The following C1orf202 variants were observed in gnomAD, a reference collection of about 807,000 sequenced individuals.
C1orf202 encodes uncharacterized protein C1orf202.
At chr1:244,730,125 T>C in the C1orf202 span, 1 of 174,972 alleles carries the variant, frequency 5.7e-6, no homozygotes, top group Non-Finnish European at 1.2e-5. Flanking sequence ...CTGCAGTGTT[T>C]AGGAAGAGAC....
At chr1:244,730,435 G>A in the C1orf202 span, 4 of 354,474 alleles carry the variant, frequency 1.1e-5, no homozygotes, top group Middle Eastern at 2.2e-3. Context: ...GGGGCGCAAC[G>A]GGGGACCGGC....
At chr1:244,730,267 C>A in the C1orf202 span, 1 of 226,170 alleles carries the variant, frequency 4.4e-6, no homozygotes, top group Non-Finnish European at 8.5e-6. Context: ...GCGAGGAGGA[C>A]GCGGCTCGTT....
At chr1:244,730,725 T>A in the C1orf202 span, 1 of 383,462 alleles carries the variant, frequency 2.6e-6, no homozygotes, top group Non-Finnish European at 4.6e-6. Context: ...TGCCTGAGCT[T>A]CTTCCTGCGC....
chr1:244,730,699 TGC>T, the C1orf202 span: 8 of 383,842 alleles, frequency 2.1e-5, no homozygotes, highest in Non-Finnish European at 3.7e-5. Flanking sequence ...CCTCCTTGCC[TGC>T]GCGCGCGTGA....
chr1:244,730,345 TC>T, the C1orf202 span: 1 of 294,940 alleles, frequency 3.4e-6, no homozygotes, highest in Non-Finnish European at 6.3e-6. Flanking sequence ...GCATGTGCTT[TC>T]ATTCCTACGG....
the C1orf202 span, chr1:244,730,426 G>A: frequency 2.8e-6 from 1 of 357,406 alleles, no homozygotes; most frequent in Non-Finnish European, 5.0e-6. Context: ...CGTGCACAGG[G>A]GGCGCAACGG....
At chr1:244,730,542 C>T in the C1orf202 span, 1 of 368,798 alleles carries the variant, frequency 2.7e-6, no homozygotes, top group African/African-American at 2.1e-5. Flanking sequence ...GCCTCGTGGC[C>T]GCCCTGCGCG....
the C1orf202 span, among the ~76,000 whole-genome samples, chr1:244,729,731 A>T: frequency 6.6e-6 from 1 of 152,098 alleles, no homozygotes; most frequent in Non-Finnish European, 1.5e-5. Context: ...TGATGAGGAA[A>T]AGGAAGACAT....
the C1orf202 span, chr1:244,730,442 C>T: frequency 5.7e-6 from 2 of 350,964 alleles, no homozygotes; most frequent in East Asian, 4.3e-5. Flanking sequence ...AACGGGGGAC[C>T]GGCTCCTCGT....
chr1:244,730,699 T>C, the C1orf202 span: 6 of 383,842 alleles, frequency 1.6e-5, no homozygotes, highest in Non-Finnish European at 2.3e-5. Context: ...CCTCCTTGCC[T>C]GCGCGCGCGT....
chr1:244,730,497 G>A, the C1orf202 span: 2 of 350,896 alleles, frequency 5.7e-6, no homozygotes, highest in Non-Finnish European at 1.0e-5. Flanking sequence ...GCCTGCGCGG[G>A]CCGCCCGGGG....
At chr1:244,730,754 C>T in the C1orf202 span, 5 of 382,064 alleles carry the variant, frequency 1.3e-5, no homozygotes, top group East Asian at 7.4e-5. Flanking sequence ...GAACAGCCGC[C>T]GCCAGCACCA....
chr1:244,729,832 C>G, the C1orf202 span: 1 of 151,996 alleles, frequency 6.6e-6, no homozygotes, highest in Non-Finnish European at 1.5e-5. Flanking sequence ...CCACCCCCAC[C>G]CCAAGCCACC....
chr1:244,730,265 G>T, the C1orf202 span: 1 of 225,996 alleles, frequency 4.4e-6, no homozygotes, highest in African/African-American at 2.3e-5. Context: ...CTGCGAGGAG[G>T]ACGCGGCTCG....
the C1orf202 span, chr1:244,730,623 T>G: frequency 2.6e-6 from 1 of 385,096 alleles, no homozygotes; most frequent in Non-Finnish European, 4.6e-6. Context: ...TAGCGCCGCC[T>G]CCACGTCGCC....
At chr1:244,730,530 C>T in the C1orf202 span, 3 of 364,666 alleles carry the variant, frequency 8.2e-6, no homozygotes, top group African/African-American at 2.1e-5. Context: ...GGTCCGGCCG[C>T]GGCCTCGTGG....
At chr1:244,730,432 A>C in the C1orf202 span, 1 of 355,552 alleles carries the variant, frequency 2.8e-6, no homozygotes, top group Non-Finnish European at 5.0e-6. Context: ...CAGGGGGCGC[A>C]ACGGGGGACC....
chr1:244,730,704 G>T, the C1orf202 span: 1 of 384,414 alleles, frequency 2.6e-6, no homozygotes. Flanking sequence ...TTGCCTGCGC[G>T]CGCGTGAGCT....
At chr1:244,730,602 TGCGCCGCAGGTA>T in the C1orf202 span, 95 of 382,982 alleles carry the variant, frequency 2.5e-4, no homozygotes, top group Non-Finnish European at 4.1e-4. Context: ...GGCCGCTCCT[TGCGCCGCAGGTA>T]GCGCCGCCTC....
Sources: gnomAD v4.1 joint callset for allele counts (sites outside exome capture counted in the v4.1 genomes callset) on GRCh38, gnomAD v4.1.1 for gene constraint, MANE v1.5 for transcripts, NCBI Gene and HGNC (gene_info 2026-07-23, HGNC 2026-07-21) for gene names.